Variants in FAM9C observed in about 807,000 individuals in gnomAD.
The protein encoded by FAM9C is family with sequence similarity 9 member C, also known as protein FAM9C.
A neutral mutation model predicts 14.8 loss-of-function variants in FAM9C; 15 were observed. That is an observed-to-expected ratio of 1.02 (90% CI 0.68 to 1.56). The LOEUF is 1.56. Ranked by LOEUF, FAM9C falls within the 40% of genes most tolerant of loss-of-function variation. The probability of loss-of-function intolerance (pLI) is 0.00; values close to 1 mark genes in which losing one functional copy is unlikely to be tolerated. For missense variants in FAM9C, 116 were observed against 118.0 expected (o/e 0.98, Z 0.08); for synonymous variants, 45 against 37.5 (o/e 1.20, Z -0.74).
rs1166616835 is a variant in FAM9C, at chrX:13,040,802, T to C, written c.285A>G (p.Ile95Met). 1.7e-6 allele frequency: 2 copies of C among 1,196,762 alleles called. No individual in the cohort carries two copies. Among genetic ancestry groups the C allele is most frequent in the East Asian group, 3.0e-5 (1 of 33,496 alleles). ...IEKIAKACSE[I>M]KNRIKNVLRT... ...TCAAAACATTTTTAATTCTGTTCTT[T>C]ATTTCGCTGCAAGCTTTTGCAATCT... The change falls in exon 5 of 8, where the codon ATA becomes ATG. Residue 95 changes from isoleucine (I) to methionine (M), a missense_variant. By Grantham distance (10) the Ile-to-Met change is conservative (BLOSUM62 1). Coordinates refer to ENST00000380625, the MANE Select transcript of FAM9C (RefSeq NM_174901.6).
At position 13,043,407 on chromosome X, in the gene FAM9C, C is replaced by CGGA. The variant is rs1346084800; in HGVS notation, c.62-162_62-160dup. Among the ~76,000 whole-genome samples the CGGA allele has an allele frequency of 2.7e-5, 3 of 112,654 alleles. No individual in the cohort carries two copies. The East Asian group carries it at 8.3e-4, about 31-fold the overall frequency. On this transcript the variant is annotated intron_variant, in intron 2 of 7. Transcript: ENST00000380625. Reference sequence around the variant, plus strand: ...GAATCGCCGGCTCCTAACCATTTTACGGAGGCATTTTTGGAAGCCCTTCGG... The same window carrying CGGA: ...GAATCGCCGGCTCCTAACCATTTTACGGAGGAGGCATTTTTGGAAGCCCTTCGG...
At chrX:13,038,648 G>T in intron 6 of FAM9C, 145 bp from the exon 7 acceptor site, 1 of 472,069 alleles carries the variant, frequency 2.1e-6, no homozygotes, top group Non-Finnish European at 3.3e-6. Context: ...AAACAATTGT[G>T]TTCACCACTC....
chrX:13,043,726 T>C lies in FAM9C; in HGVS notation c.61+3A>G. ...CTTCTAGGTCCCCTTGGGCTGTGTTTACCTGCAAGCTCCATTTCCTGGGCG... is the reference window on the plus strand; with the variant it reads ...CTTCTAGGTCCCCTTGGGCTGTGTTCACCTGCAAGCTCCATTTCCTGGGCG... On this transcript the variant is annotated splice_donor_region_variant and intron_variant, in intron 2 of 7. Coordinates refer to ENST00000380625, the MANE Select transcript of FAM9C (RefSeq NM_174901.6). 8.3e-7 allele frequency: 1 copy of C among 1,212,007 alleles called. No homozygotes were observed. Among genetic ancestry groups the C allele is most frequent in the Non-Finnish European group, 1.1e-6 (1 of 895,385 alleles).
intron 4 of FAM9C, chrX:13,042,072 T>C (rs1480385061): frequency 1.8e-5 from 2 of 112,305 alleles, no homozygotes; most frequent in African/African-American, 6.5e-5. Context: ...AAGAGTATTG[T>C]CTTCATAATC....
rs201111588 is a variant in FAM9C at position 13,043,692 on chromosome X, G to C, written c.61+37C>G. On this transcript the variant is annotated intron_variant, in intron 2 of 7. Coordinates refer to ENST00000380625, the MANE Select transcript of FAM9C (RefSeq NM_174901.6). ...CCAGAAAGCAGACAGACTGTTGGGCGTGCACCTTCTTCTAGGTCCCCTTGG... is the reference window on the plus strand; with the variant it reads ...CCAGAAAGCAGACAGACTGTTGGGCCTGCACCTTCTTCTAGGTCCCCTTGG... 2.8e-4 allele frequency: 332 copies of C among 1,204,334 alleles called. No homozygotes were observed. The African/African-American group carries it at 5.0e-3, about 18-fold the overall frequency.
chrX:13,040,647 G>A (rs1427211540), intron 5 of FAM9C, 111 bp downstream of exon 5: 3 of 477,016 alleles, frequency 6.3e-6, no homozygotes, highest in Non-Finnish European at 9.8e-6. Context: ...AGTAAAATAT[G>A]TTGTTCCCTA....
At chrX:13,042,858 T>C in intron 4 of FAM9C, 60 bp downstream of exon 4, 2 of 1,143,557 alleles carry the variant, frequency 1.7e-6, no homozygotes, top group Non-Finnish European at 2.4e-6. Flanking sequence ...TATAACCTAC[T>C]GTAAGGGTTG....
In FAM9C at chrX:13,038,497, A is replaced by G. The variant is rs1204156121; in HGVS notation, c.445T>C (p.Phe149Leu). 1 of 1,205,347 alleles carries G rather than the reference A, an allele frequency of 8.3e-7. No individual in the cohort carries two copies. The change falls in exon 7 of 8, where the codon TTT becomes CTT. Residue 149 changes from phenylalanine (F) to leucine (L), a missense_variant. Transcript: ENST00000380625. ...DGEKEEQIKI[F>L]QEQQKRWQQD... ...TGCCACCTCTTTTGTTGCTCTTGAA[A>G]TATTTTCTAGAGGCACAAAACAAAA... is the stretch of plus-strand genomic sequence containing the variant.
At chrX:13,038,392 A>G in intron 7 of FAM9C, 24 bp downstream of exon 7, 1 of 1,091,962 alleles carries the variant, frequency 9.2e-7, no homozygotes, top group Non-Finnish European at 1.2e-6. Context: ...ATAAGAACGT[A>G]TTGTGTTACC....
intron 7 of FAM9C, chrX:13,036,587 C>T (rs1210904273): frequency 9.0e-6 from 1 of 111,226 alleles, no homozygotes; most frequent in African/African-American, 3.3e-5. Context: ...CACTAATAGT[C>T]GACATAACAT....
In FAM9C at chrX:13,043,146, T is replaced by A; in HGVS notation, c.164A>T (p.Glu55Val). Residue 55 changes from glutamate to valine, a missense_variant, in exon 3 of 8, where the codon GAA becomes GTA. Transcript: ENST00000380625. ...DEHGERGSFA[E>V]TDEHTGVDTK... ...ACTTTACCCCGTGTGTTCATCTGTT[T>A]CAGCAAAAGATCCTCTTTCCCCATG... 8.3e-7 allele frequency: 1 copy of A among 1,209,423 alleles called. No individual in the cohort carries two copies. The highest frequency in any genetic ancestry group is 1.1e-6 in the Non-Finnish European group (1 of 894,781).
Position 13,040,795 on chromosome X carries a change from T to C in FAM9C, c.292A>G (p.Arg98Gly). The change falls in exon 5 of 8, where the codon AGA becomes GGA. Residue 98 changes from arginine to glycine, a missense_variant. Arg to Gly is a moderately radical substitution (Grantham distance 125, BLOSUM62 -2). Transcript: ENST00000380625. The part of the protein sequence containing the change: ...IAKACSEIKN[R>G]IKNVLRTTQL... Reference sequence around the variant, plus strand: ...GTTGTTCTCAAAACATTTTTAATTCTGTTCTTTATTTCGCTGCAAGCTTTT... The same window carrying C: ...GTTGTTCTCAAAACATTTTTAATTCCGTTCTTTATTTCGCTGCAAGCTTTT... 5 of 1,194,031 alleles carry C rather than the reference T, an allele frequency of 4.2e-6. No homozygotes were observed. Among genetic ancestry groups the C allele is most frequent in the Non-Finnish European group, 5.6e-6 (5 of 887,520 alleles).
At chrX:13,043,635 C>A (rs919944241) in intron 2 of FAM9C, 94 bp downstream of exon 2, 3 of 1,062,761 alleles carry the variant, frequency 2.8e-6, no homozygotes, top group Non-Finnish European at 3.9e-6. Flanking sequence ...ACGAAGGGGC[C>A]GGGGGCCTCG....
chrX:13,042,988 T>C (rs1602494628), intron 3 of FAM9C, 39 bp from the exon 4 acceptor site: 2 of 1,174,956 alleles, frequency 1.7e-6, no homozygotes, highest in Non-Finnish European at 2.3e-6. Flanking sequence ...AACATAATGC[T>C]ACACAAAAGG....
Position 13,039,960 on chromosome X carries a change from T to A in FAM9C, c.330-44A>T, listed in dbSNP as rs775496451. ...AACAAGGTCATACGTCATAGAGGGA[T>A]GAAAAATTAATCCTATTCAAACCAA... On this transcript the variant is annotated intron_variant, in intron 5 of 7. Transcript: ENST00000380625. 2.8e-6 allele frequency: 3 copies of A among 1,076,392 alleles called. No homozygotes were observed. In the South Asian group the frequency reaches 7.0e-5, roughly 25 times the overall value. The allele number at this position is 1,076,392 out of a possible 1,213,427, so 88.7% of individuals were successfully genotyped here. A position where few individuals can be genotyped will look rare whatever the true frequency, so the allele number is the denominator to read the frequency against.
intron 6 of FAM9C, 149 bp from the exon 7 acceptor site, chrX:13,038,652 A>G: frequency 2.2e-6 from 1 of 464,781 alleles, no homozygotes; most frequent in Non-Finnish European, 3.4e-6. Flanking sequence ...AATTGTGTTC[A>G]CCACTCATGT....
chrX:13,038,144 T>C (rs1418449178), intron 7 of FAM9C: 1 of 205,070 alleles, frequency 4.9e-6, no homozygotes, highest in Non-Finnish European at 8.8e-6. Flanking sequence ...AAGATGTATA[T>C]TTCTAGGTAA....
intron 7 of FAM9C, chrX:13,036,888 C>T (rs1052010414): frequency 2.7e-5 from 3 of 111,094 alleles, no homozygotes; most frequent in African/African-American, 9.9e-5. Context: ...AGACTGATGT[C>T]CACTTAGTTG....
At chrX:13,043,608 C>G (rs1196397682) in intron 2 of FAM9C, 121 bp downstream of exon 2, 3 of 867,129 alleles carry the variant, frequency 3.5e-6, no homozygotes, top group Non-Finnish European at 5.0e-6. Context: ...AGCACATGCA[C>G]GGTGAGCTCC....
Sources: gnomAD v4.1 joint callset for allele counts (sites outside exome capture counted in the v4.1 genomes callset) on GRCh38, gnomAD v4.1.1 for gene constraint, MANE v1.5 for transcripts, NCBI Gene and HGNC (gene_info 2026-07-23, HGNC 2026-07-21) for gene names.